NSD3: variants seen among roughly 807,000 people sequenced by gnomAD.
The protein encoded by NSD3 is histone-lysine N-methyltransferase NSD3.
NSD3 carries 24 observed loss-of-function variants against 160.8 expected under a neutral mutation model. The observed-to-expected ratio is 0.15, with a 90% confidence interval of 0.11 to 0.21. NSD3 has a LOEUF of 0.21. NSD3 is among the 10% of genes least tolerant of loss of function. The pLI is 1.00. For missense variants in NSD3, 1,157 were observed against 1,735.9 expected, an observed-to-expected ratio of 0.67 and a Z score of 5.93; for synonymous variants, 520 against 600.0, an observed-to-expected ratio of 0.87 and a Z score of 1.95.
At chr8:38,345,826 T>C (rs1389972425) in intron 2 of NSD3, among the ~76,000 whole-genome samples, 1 of 151,824 alleles carries the variant, frequency 6.6e-6, no homozygotes, top group Non-Finnish European at 1.5e-5. Context: ...GGAGAATTGC[T>C]TGAACCCTGG....
chr8:38,293,922 C>CAAAAAAAAAAA (rs11290856), intron 16 of NSD3, among the ~76,000 whole-genome samples: 2 of 49,932 alleles, frequency 4.0e-5, no homozygotes, highest in Admixed American at 3.5e-4. Context: ...GACTCCGTCT[C>CAAAAAAAAAAA]AAAAAAAAAA....
intron 1 of NSD3, among the ~76,000 whole-genome samples, chr8:38,373,500 A>C (rs1016831011): frequency 1.1e-4 from 16 of 152,046 alleles, no homozygotes; most frequent in African/African-American, 3.9e-4. Flanking sequence ...CTATTTCTTA[A>C]AGTTTTTGTT....
chr8:38,342,316 A>G (rs765239395), intron 2 of NSD3, among the ~76,000 whole-genome samples: 17 of 152,342 alleles, frequency 1.1e-4, no homozygotes, highest in Non-Finnish European at 1.8e-4. Flanking sequence ...ATTAAAATTA[A>G]GTAGGGACAG....
rs188028650 is a variant in NSD3 at position 38,336,811 on chromosome 8, A to G, written c.910+494T>C. ...TGCATTAGCCATAGAAGCACTCTGCAATTTAAAATGACTATCAGTATTTCA... is the reference window on the plus strand; with the variant it reads ...TGCATTAGCCATAGAAGCACTCTGCGATTTAAAATGACTATCAGTATTTCA... On this transcript the variant is annotated intron_variant, in intron 4 of 23. Coordinates refer to ENST00000317025, the MANE Select transcript of NSD3 (RefSeq NM_023034.2). Among the ~76,000 whole-genome samples the G allele has an allele frequency of 2.2e-4, 33 of 152,300 alleles. No homozygotes were observed. In the East Asian group the frequency reaches 6.2e-3, roughly 28 times the overall value.
At chr8:38,363,372 G>C (rs1811031887) in intron 1 of NSD3, among the ~76,000 whole-genome samples, 1 of 152,170 alleles carries the variant, frequency 6.6e-6, no homozygotes, top group South Asian at 2.1e-4. Flanking sequence ...GGCCGGGCAT[G>C]GTGGCTTATG....
At chr8:38,295,143 C>CA (rs746596031) in intron 16 of NSD3, among the ~76,000 whole-genome samples, 4,643 of 33,594 alleles carry the variant, frequency 0.14, 220 homozygotes, top group Middle Eastern at 0.32. Context: ...CACTCCGTCT[C>CA]AAAAAAAAAA....
Position 38,318,617 on chromosome 8 carries a change from TGAAACCCCAGAATCTTATGGA to T in NSD3, c.1855+257_1855+277del, listed in dbSNP as rs1563353177. On this transcript the variant is annotated intron_variant, in intron 9 of 23. Coordinates refer to ENST00000317025, the MANE Select transcript of NSD3 (RefSeq NM_023034.2). The surrounding 1 kb of genome is among the most constrained non-coding windows in gnomAD (Gnocchi z 5.3). ...GTCACATCCCTAGTTTATAAGCCAG[TGAAACCCCAGAATCTTATGGA>T]GAAAAGTTGGAAACAGTATCAAGTC... 2.6e-5 allele frequency among the ~76,000 whole-genome samples: 4 copies of T among 152,138 alleles called. No individual in the cohort carries two copies. Among genetic ancestry groups the T allele is most frequent in the Non-Finnish European group, 2.9e-5 (2 of 68,034 alleles).
At chr8:38,326,980 C>A in intron 6 of NSD3, 124 bp from the exon 7 acceptor site, 3 of 1,027,026 alleles carry the variant, frequency 2.9e-6, no homozygotes, top group Non-Finnish European at 1.4e-6. Context: ...TCTTTGATTG[C>A]AATTAAGTTA....
intron 15 of NSD3, 88 bp from the exon 16 acceptor site, chr8:38,296,040 A>G: frequency 7.4e-7 from 1 of 1,347,080 alleles, no homozygotes; most frequent in Non-Finnish European, 9.9e-7. Flanking sequence ...TCAGCACATT[A>G]AATTTGTTTC....
chr8:38,290,710 C>A, intron 16 of NSD3, 33 bp from the exon 17 acceptor site: 2 of 1,601,118 alleles, frequency 1.2e-6, no homozygotes, highest in Admixed American at 1.7e-5. Context: ...ATCAAGAGGG[C>A]AAAAACGAAA....
chr8:38,349,009 C>A (rs1002135979), intron 1 of NSD3, among the ~76,000 whole-genome samples: 2 of 152,134 alleles, frequency 1.3e-5, no homozygotes, highest in Non-Finnish European at 2.9e-5. Context: ...GTCCCCACTT[C>A]ATTATTCCCA....
intron 14 of NSD3, chr8:38,303,322 C>G: frequency 1.0e-6 from 1 of 985,312 alleles, no homozygotes; most frequent in Middle Eastern, 5.2e-4. Flanking sequence ...CCACCTGTTA[C>G]GATATAGCAG....
intron 1 of NSD3, among the ~76,000 whole-genome samples, chr8:38,360,682 TC>T (rs1810938874): frequency 6.6e-6 from 1 of 152,238 alleles, no homozygotes; most frequent in Non-Finnish European, 1.5e-5. Context: ...AAAGGTACTT[TC>T]CATGGTAGCC....
chr8:38,310,584 C>T (rs997554850), intron 12 of NSD3, among the ~76,000 whole-genome samples: 5 of 151,748 alleles, frequency 3.3e-5, no homozygotes, highest in African/African-American at 7.3e-5. Flanking sequence ...TACAGTTCAC[C>T]GCAGTCTTGA....
intron 19 of NSD3, among the ~76,000 whole-genome samples, chr8:38,284,848 G>A (rs778966310): frequency 3.3e-5 from 5 of 152,186 alleles, no homozygotes; most frequent in Non-Finnish European, 7.4e-5. Flanking sequence ...GTTTATACTT[G>A]TTAGTCTATG....
intron 1 of NSD3, among the ~76,000 whole-genome samples, chr8:38,370,013 C>T (rs112381452): frequency 0.016 from 2,369 of 152,228 alleles, 71 homozygotes; most frequent in African/African-American, 0.055. Context: ...AGGCTGGTCT[C>T]AAACTCCTGA....
chr8:38,308,109 A>C (rs1481334950), intron 12 of NSD3, among the ~76,000 whole-genome samples: 5 of 152,228 alleles, frequency 3.3e-5, no homozygotes, highest in Non-Finnish European at 7.3e-5. Flanking sequence ...CCTGCTAAAA[A>C]TCTGAAGGAA....
intron 1 of NSD3, among the ~76,000 whole-genome samples, chr8:38,375,240 T>C (rs1811359607): frequency 6.6e-6 from 1 of 152,028 alleles, no homozygotes; most frequent in East Asian, 1.9e-4. Context: ...GCCCTAAATG[T>C]AGATGGAAAA....
At chr8:38,315,377 A>C in intron 11 of NSD3, 39 bp downstream of exon 11, 2 of 1,508,060 alleles carry the variant, frequency 1.3e-6, no homozygotes, top group Non-Finnish European at 1.8e-6. Context: ...AGAATATAAT[A>C]GCAATTATTT....
Sources: allele counts gnomAD v4.1 joint callset (sites outside exome capture counted in the v4.1 genomes callset), GRCh38; gene constraint gnomAD v4.1.1; non-coding constraint Gnocchi (gnomAD v3.1); transcripts MANE v1.5; gene names NCBI Gene and HGNC (gene_info 2026-07-23, HGNC 2026-07-21).